The following LRFN5 variants were observed in gnomAD, a reference collection of about 807,000 sequenced individuals.
LRFN5 encodes leucine-rich repeat and fibronectin type-III domain-containing protein 5.
A neutral mutation model predicts 45.6 loss-of-function variants in LRFN5; 24 were observed. The ratio of observed to expected loss-of-function variants is 0.53; its 90% CI spans 0.38 to 0.74. The LOEUF (loss-of-function observed/expected upper bound fraction) is 0.74, where lower values mean the gene tolerates loss of function less well. LRFN5 is among the 30% of genes least tolerant of loss of function. The pLI is 0.00. For missense variants in LRFN5, 776 were observed against 861.5 expected, an observed-to-expected ratio of 0.90 and a Z score of 1.24; for synonymous variants, 340 against 313.8, an observed-to-expected ratio of 1.08 and a Z score of -0.88.
At chr14:41,632,496 G>A (rs888762466) in intron 1 of LRFN5, among the ~76,000 whole-genome samples, 4 of 152,076 alleles carry the variant, frequency 2.6e-5, no homozygotes, top group African/African-American at 4.8e-5. Flanking sequence ...CCAGCTACTC[G>A]GGAGGCTAAG....
chr14:41,740,290 C>T (rs1740132679), intron 1 of LRFN5, among the ~76,000 whole-genome samples: 1 of 151,828 alleles, frequency 6.6e-6, no homozygotes, highest in South Asian at 2.1e-4. Flanking sequence ...AGCAAAAATC[C>T]TCAAGAAAAC....
chr14:41,791,697 G>A (rs572608693), intron 2 of LRFN5, among the ~76,000 whole-genome samples: 1 of 152,136 alleles, frequency 6.6e-6, no homozygotes, highest in East Asian at 1.9e-4. Context: ...ACTGATAAAA[G>A]TGTCTTTGAT....
chr14:41,871,897 C>G (rs1890032274), intron 2 of LRFN5, among the ~76,000 whole-genome samples: 1 of 152,118 alleles, frequency 6.6e-6, no homozygotes, highest in Admixed American at 6.6e-5. Flanking sequence ...AACACTTGTA[C>G]TTACTCCACA....
rs961119560 is a variant in LRFN5, at chr14:41,607,211, G to A, written c.-1548G>A. Among the ~76,000 whole-genome samples the A allele has an allele frequency of 2.6e-5, 4 of 152,256 alleles. No individual in the cohort carries two copies. The highest frequency in any genetic ancestry group is 2.6e-4 in the Admixed American group (4 of 15,296). On this transcript the variant is annotated 5_prime_UTR_variant, in exon 1 of 6. Coordinates refer to ENST00000298119, the MANE Select transcript of LRFN5 (RefSeq NM_152447.5). ...CCTTGAGGATGTGAATTGTTTAGCAGCTGGCTGCTCCCTTAGGATCCTTGA... is the reference window on the plus strand; with the variant it reads ...CCTTGAGGATGTGAATTGTTTAGCAACTGGCTGCTCCCTTAGGATCCTTGA...
At chr14:41,830,146 A>C (rs1048174522) in intron 2 of LRFN5, among the ~76,000 whole-genome samples, 19 of 151,690 alleles carry the variant, frequency 1.3e-4, no homozygotes, top group Non-Finnish European at 2.2e-4. Flanking sequence ...AACTTGTATT[A>C]TAAACTTATA....
At chr14:41,797,070 T>C (rs951147511) in intron 2 of LRFN5, among the ~76,000 whole-genome samples, 1 of 152,002 alleles carries the variant, frequency 6.6e-6, no homozygotes, top group African/African-American at 2.4e-5. Flanking sequence ...TAGTTTTTAA[T>C]CTACCAAATC....
At chr14:41,657,275 A>G (rs117459763) in intron 1 of LRFN5, among the ~76,000 whole-genome samples, 2,138 of 152,006 alleles carry the variant, frequency 0.014, 33 homozygotes, top group Non-Finnish European at 0.024. Context: ...AAGTGGGGCT[A>G]TGTTTTTATT....
chr14:41,674,757 C>A (rs1266146628), intron 1 of LRFN5, among the ~76,000 whole-genome samples: 1 of 151,956 alleles, frequency 6.6e-6, no homozygotes, highest in African/African-American at 2.4e-5. Context: ...ACGCTCCTCA[C>A]TTCCCAGACG....
intron 1 of LRFN5, among the ~76,000 whole-genome samples, chr14:41,676,358 A>G (rs1881628871): frequency 6.6e-6 from 1 of 152,112 alleles, no homozygotes. Context: ...CTCTGCCTAG[A>G]AAAAAAAGGC....
intron 3 of LRFN5, among the ~76,000 whole-genome samples, chr14:41,889,961 T>G (rs2075598650): frequency 6.6e-6 from 1 of 152,120 alleles, no homozygotes; most frequent in African/African-American, 2.4e-5. Flanking sequence ...CCTCCTGGGT[T>G]CAAGCAATTC....
chr14:41,670,676 A>G (rs1881166439), intron 1 of LRFN5, among the ~76,000 whole-genome samples: 1 of 151,918 alleles, frequency 6.6e-6, no homozygotes, highest in Non-Finnish European at 1.5e-5. Flanking sequence ...ATAAAATCGT[A>G]ATTCCTCACT....
intron 1 of LRFN5, among the ~76,000 whole-genome samples, chr14:41,627,028 C>T (rs1468169730): frequency 6.6e-6 from 1 of 152,080 alleles, no homozygotes; most frequent in Admixed American, 6.6e-5. Flanking sequence ...TATCTTTGCT[C>T]TGTACATTTT....
At chr14:41,696,702 C>G (rs1418826855) in intron 1 of LRFN5, among the ~76,000 whole-genome samples, 1 of 151,938 alleles carries the variant, frequency 6.6e-6, no homozygotes, top group Non-Finnish European at 1.5e-5. Context: ...TACAAGGAGT[C>G]CATTTTTCCT....
intron 4 of LRFN5, 151 bp from the exon 5 acceptor site, chr14:41,898,766 C>A: frequency 1.5e-6 from 1 of 655,772 alleles, no homozygotes; most frequent in South Asian, 1.9e-5. Context: ...GCAATTAACC[C>A]ATGAACTGGT....
intron 2 of LRFN5, among the ~76,000 whole-genome samples, chr14:41,877,590 G>A (rs10220582): frequency 0.62 from 93,289 of 151,684 alleles, 29,176 homozygotes; most frequent in Middle Eastern, 0.77. Flanking sequence ...TGTAAATAAT[G>A]TTTATGTAAA....
chr14:41,644,400 G>A (rs1396027053), intron 1 of LRFN5, among the ~76,000 whole-genome samples: 2 of 152,156 alleles, frequency 1.3e-5, no homozygotes, highest in Admixed American at 6.6e-5. Flanking sequence ...TTCACTAACT[G>A]TTTAAATCTA....
chr14:41,822,626 T>C (rs559429391), intron 2 of LRFN5, among the ~76,000 whole-genome samples: 3 of 152,070 alleles, frequency 2.0e-5, no homozygotes, highest in African/African-American at 7.2e-5. Flanking sequence ...ATTCTGTTGT[T>C]GGGAACAATG....
At chr14:41,664,984 G>T (rs1245306725) in intron 1 of LRFN5, among the ~76,000 whole-genome samples, 1 of 151,970 alleles carries the variant, frequency 6.6e-6, no homozygotes, top group East Asian at 1.9e-4. Flanking sequence ...ATGATAATTT[G>T]TCAGTAAACC....
At chr14:41,762,015 T>C (rs1885690882) in intron 1 of LRFN5, among the ~76,000 whole-genome samples, 1 of 152,010 alleles carries the variant, frequency 6.6e-6, no homozygotes, top group Non-Finnish European at 1.5e-5. Context: ...AGCATCTCTT[T>C]TTTGTATGTG....
Sources: allele counts gnomAD v4.1 joint callset (sites outside exome capture counted in the v4.1 genomes callset), GRCh38; gene constraint gnomAD v4.1.1; transcripts MANE v1.5; gene names NCBI Gene and HGNC (gene_info 2026-07-23, HGNC 2026-07-21).